The following JARID2 variants were observed in gnomAD, a reference collection of about 807,000 sequenced individuals.
JARID2 encodes the protein protein Jumonji.
JARID2 carries 21 observed loss-of-function variants against 125.6 expected under a neutral mutation model. The observed-to-expected ratio is 0.17, with a 90% CI of 0.12 to 0.24. The LOEUF (loss-of-function observed/expected upper bound fraction) is 0.24. Ranked by LOEUF, JARID2 falls within the 10% of genes least tolerant of loss-of-function variation. The pLI, the probability that JARID2 is intolerant of heterozygous loss-of-function variation, is 1.00. For synonymous variants in JARID2, 736 were observed against 661.6 expected (o/e 1.11, Z -1.73); for missense variants, 1,303 against 1,639.6 (o/e 0.79, Z 3.55).
In JARID2 at chr6:15,413,008, G is replaced by GTTTTTTTTTTTTTTTTTT. The variant is rs1041543140; in HGVS notation, c.323+2657_323+2658insTTTTTTTTTTTTTTTTTT. On this transcript the variant is annotated intron_variant, in intron 3 of 17. Transcript: ENST00000341776. ...ATACATGGGAAGAGCTTGTGTTTTT[G>GTTTTTTTTTTTTTTTTTT]TTTTTTTTTTTTTTGTTTTTTTTTT... 1.2e-3 allele frequency among the ~76,000 whole-genome samples: 58 copies of GTTTTTTTTTTTTTTTTTT among 47,494 alleles called. 5 individuals carry two copies. Among genetic ancestry groups the GTTTTTTTTTTTTTTTTTT allele is most frequent in the East Asian group, 3.2e-3 (6 of 1,854 alleles). The allele number at this position is 47,494 out of a possible 152,430, so 31.2% of individuals were successfully genotyped here.
At chr6:15,321,401 C>G (rs970693932) in intron 1 of JARID2, among the ~76,000 whole-genome samples, 1 of 152,168 alleles carries the variant, frequency 6.6e-6, no homozygotes, top group Non-Finnish European at 1.5e-5. Context: ...TTAATGGGAA[C>G]CTGCAATTCA....
chr6:15,299,321 T>TC (rs931062950), intron 1 of JARID2, among the ~76,000 whole-genome samples: 1 of 152,164 alleles, frequency 6.6e-6, no homozygotes, highest in Non-Finnish European at 1.5e-5. Context: ...CATTGGGTTC[T>TC]CAAATTTTAG....
In JARID2 at chr6:15,416,092, C is replaced by T. The variant is rs1308721163; in HGVS notation, c.323+5727C>T. Among the ~76,000 whole-genome samples the T allele has an allele frequency of 3.4e-4, 51 of 151,728 alleles. 1 individual carries two copies. The South Asian group carries it at 8.9e-3, about 27-fold the overall frequency. On this transcript the variant is annotated intron_variant, in intron 3 of 17. Transcript: ENST00000341776. ...CGCTCCCCACATCTCAGACGATGGG[C>T]GGCTGGGCAGAGACTCTCCTCACTT...
intron 1 of JARID2, among the ~76,000 whole-genome samples, chr6:15,259,487 G>A (rs568066420): frequency 1.1e-4 from 16 of 152,270 alleles, no homozygotes; most frequent in African/African-American, 3.9e-4. Flanking sequence ...ACAGCACCAG[G>A]CTGGACCCTA....
chr6:15,415,602 CT>C (rs1766129599), intron 3 of JARID2, among the ~76,000 whole-genome samples: 1 of 142,254 alleles, frequency 7.0e-6, no homozygotes. Context: ...GGGCTGACCC[CT>C]CCACCTCCCT....
chr6:15,251,473 C>T (rs1232335440), intron 1 of JARID2, among the ~76,000 whole-genome samples: 1 of 152,200 alleles, frequency 6.6e-6, no homozygotes, highest in East Asian at 1.9e-4. Context: ...CTCTACTAAC[C>T]ACCTTTTGTC....
intron 1 of JARID2, among the ~76,000 whole-genome samples, chr6:15,263,262 G>A (rs1581340179): frequency 6.6e-6 from 1 of 152,122 alleles, no homozygotes; most frequent in Admixed American, 6.5e-5. Flanking sequence ...CCAGTGGCTT[G>A]ATGGTGGGAC....
intron 1 of JARID2, among the ~76,000 whole-genome samples, chr6:15,338,602 A>AGGCT (rs1225736985): frequency 6.6e-6 from 1 of 152,196 alleles, no homozygotes; most frequent in African/African-American, 2.4e-5. Context: ...GTCTCAGGGA[A>AGGCT]GGCTGCAAGG....
intron 1 of JARID2, among the ~76,000 whole-genome samples, chr6:15,339,013 T>G (rs1762977434): frequency 6.6e-6 from 1 of 151,770 alleles, no homozygotes; most frequent in Non-Finnish European, 1.5e-5. Context: ...GCAGAGAGAT[T>G]TGGGGATGAG....
At chr6:15,268,800 T>G (rs2127348225) in intron 1 of JARID2, among the ~76,000 whole-genome samples, 1 of 152,312 alleles carries the variant, frequency 6.6e-6, no homozygotes, top group South Asian at 2.1e-4. Context: ...AGAATTTGCT[T>G]TTCCTTTTCA....
At chr6:15,389,148 G>A (rs930962964) in intron 2 of JARID2, among the ~76,000 whole-genome samples, 2 of 152,122 alleles carry the variant, frequency 1.3e-5, no homozygotes, top group Admixed American at 6.5e-5. Flanking sequence ...TCATTTAACT[G>A]TCTTTTATAT....
chr6:15,477,675 C>T (rs1229649470), intron 5 of JARID2, among the ~76,000 whole-genome samples: 2 of 151,982 alleles, frequency 1.3e-5, no homozygotes, highest in East Asian at 3.8e-4. Flanking sequence ...ATGGCTGCAA[C>T]CTTAGGATTT....
intron 8 of JARID2, among the ~76,000 whole-genome samples, chr6:15,504,038 C>T (rs1204479317): frequency 2.6e-5 from 4 of 152,300 alleles, no homozygotes; most frequent in South Asian, 2.1e-4. Flanking sequence ...GTGTAGATGT[C>T]GCACCAGTTT....
intron 3 of JARID2, among the ~76,000 whole-genome samples, chr6:15,441,416 C>T (rs1333878771): frequency 6.6e-6 from 1 of 152,154 alleles, no homozygotes; most frequent in Non-Finnish European, 1.5e-5. Flanking sequence ...TAGGGGTGAT[C>T]CCACAGCTGG....
intron 2 of JARID2, 93 bp downstream of exon 2, chr6:15,374,345 T>A: frequency 7.2e-7 from 1 of 1,396,550 alleles, no homozygotes; most frequent in Non-Finnish European, 1.0e-6. Context: ...AGCTTGTGCT[T>A]CCTGGTCTAG....
chr6:15,287,202 CATA>C lies in JARID2; in HGVS notation c.45+40619_45+40621del, dbSNP rs542407559. On this transcript the variant is annotated intron_variant, in intron 1 of 17. Coordinates refer to ENST00000341776, the MANE Select transcript of JARID2 (RefSeq NM_004973.4). ...ATCCTTTCTTTCCTTGTTCTCTAATCATAGGTTCTTTTTCCTAAAAGTGCTTTT... is the reference window on the plus strand; with the variant it reads ...ATCCTTTCTTTCCTTGTTCTCTAATCGGTTCTTTTTCCTAAAAGTGCTTTT... Among the ~76,000 whole-genome samples the C allele has an allele frequency of 2.4e-3, 362 of 152,264 alleles. 3 individuals are homozygous for C. Among genetic ancestry groups the C allele is most frequent in the African/African-American group, 8.2e-3 (342 of 41,554 alleles).
chr6:15,423,337 C>A (rs1766585024), intron 3 of JARID2, among the ~76,000 whole-genome samples: 1 of 152,050 alleles, frequency 6.6e-6, no homozygotes, highest in South Asian at 2.1e-4. Flanking sequence ...AAGCTGAGGT[C>A]CAGCTCGTTT....
At chr6:15,270,364 T>G (rs1760249552) in intron 1 of JARID2, among the ~76,000 whole-genome samples, 1 of 152,140 alleles carries the variant, frequency 6.6e-6, no homozygotes, top group African/African-American at 2.4e-5. Flanking sequence ...ACTCCTGACC[T>G]CAGGTGATCC....
At position 15,520,416 on chromosome 6, in the gene JARID2, T is replaced by G. The variant is rs1378362472; in HGVS notation, c.*165T>G. 3.6e-6 allele frequency: 2 copies of G among 560,188 alleles called. No individual in the cohort carries two copies. Among genetic ancestry groups the G allele is most frequent in the Non-Finnish European group, 5.9e-6 (2 of 339,456 alleles). 34.7% of individuals were successfully genotyped at this position (560,188 alleles called of 1,614,324 possible). ...TGTTTTAGCATTAAACTGTTGAACTTTTTTTTGTACTTAGAAAACCTAGAT... is the reference window on the plus strand; with the variant it reads ...TGTTTTAGCATTAAACTGTTGAACTGTTTTTTGTACTTAGAAAACCTAGAT... On this transcript the variant is annotated 3_prime_UTR_variant, in exon 18 of 18. Transcript: ENST00000341776.
Sources: allele counts gnomAD v4.1 joint callset (sites outside exome capture counted in the v4.1 genomes callset), GRCh38; gene constraint gnomAD v4.1.1; transcripts MANE v1.5; gene names NCBI Gene and HGNC (gene_info 2026-07-23, HGNC 2026-07-21).